The following DEFB107A variants were observed in gnomAD, a reference collection of about 807,000 sequenced individuals.
The protein encoded by DEFB107A is defensin beta 107A.
intron 1 of DEFB107A, among the ~76,000 whole-genome samples, chr8:7,812,936 C>CAT (rs1374443201): frequency 7.9e-6 from 1 of 126,546 alleles, no homozygotes; most frequent in African/African-American, 4.6e-5. Context: ...CACACACATA[C>CAT]ACACACACAC....
intron 1 of DEFB107A, among the ~76,000 whole-genome samples, chr8:7,812,950 C>CAT (rs1377922352): frequency 9.9e-5 from 15 of 151,070 alleles, no homozygotes; most frequent in African/African-American, 2.2e-4. Flanking sequence ...CACACACACA[C>CAT]ACATATATAT....
chr8:7,812,996 G>A (rs1347724255), intron 1 of DEFB107A, among the ~76,000 whole-genome samples: 16 of 151,362 alleles, frequency 1.1e-4, no homozygotes, highest in African/African-American at 3.9e-4. Flanking sequence ...TACTGAATCA[G>A]GGCAGAGAAC....
chr8:7,812,617 C>G (rs1013210025), intron 1 of DEFB107A, among the ~76,000 whole-genome samples: 2 of 133,982 alleles, frequency 1.5e-5, no homozygotes, highest in African/African-American at 5.1e-5. Context: ...AAGATACATT[C>G]TTAGGAAACA....
At chr8:7,812,576 TA>T (rs1240856176) in intron 1 of DEFB107A, among the ~76,000 whole-genome samples, 1 of 133,266 alleles carries the variant, frequency 7.5e-6, no homozygotes. Flanking sequence ...GAGGAAAAAA[TA>T]TGTCAAAACA....
rs754080110 is a variant in DEFB107A, at chr8:7,815,549, TC to T, written c.70+9del. The T allele has an allele frequency of 2.5e-5, 20 of 798,230 alleles. No homozygotes were observed. Among genetic ancestry groups the T allele is most frequent in the Non-Finnish European group, 3.8e-5 (19 of 497,868 alleles). 49.4% of individuals were successfully genotyped at this position (798,230 alleles called of 1,614,324 possible). A position where few individuals can be genotyped will look rare whatever the true frequency, so the allele number is the denominator to read the frequency against. On this transcript the variant is annotated intron_variant, in intron 1 of 1. Transcript: ENST00000335021. ...TGTCATCTCTACTTCTAGAAGAATT[TC>T]CCTCTTACCTTGGAAAATTTGAGCA...
chr8:7,813,020 G>C (rs1817123021), intron 1 of DEFB107A, among the ~76,000 whole-genome samples: 1 of 151,168 alleles, frequency 6.6e-6, no homozygotes, highest in Non-Finnish European at 1.5e-5. Context: ...AAAATAAGTA[G>C]AAGAACAAAT....
chr8:7,813,521 A>G (rs1400178589), intron 1 of DEFB107A, among the ~76,000 whole-genome samples: 3 of 151,856 alleles, frequency 2.0e-5, no homozygotes, highest in South Asian at 2.1e-4. Flanking sequence ...AAGATTCTTT[A>G]TTATAACAAG....
intron 1 of DEFB107A, among the ~76,000 whole-genome samples, chr8:7,813,239 A>C (rs1817129380): frequency 7.5e-6 from 1 of 133,890 alleles, no homozygotes; most frequent in African/African-American, 2.6e-5. Flanking sequence ...CACATGAACA[A>C]ATTTGGAAAA....
chr8:7,814,981 C>T (rs1222300045), intron 1 of DEFB107A, among the ~76,000 whole-genome samples: 54 of 43,098 alleles, frequency 1.3e-3, no homozygotes, highest in African/African-American at 4.6e-3. Context: ...GGCGCGGTGG[C>T]TCATGCCTGT....
At chr8:7,812,684 A>G in intron 1 of DEFB107A, among the ~76,000 whole-genome samples, 1 of 136,300 alleles carries the variant, frequency 7.3e-6, no homozygotes, top group Non-Finnish European at 1.6e-5. Flanking sequence ...CCTGGAAATA[A>G]CAACTTTGGG....
intron 1 of DEFB107A, among the ~76,000 whole-genome samples, chr8:7,813,069 T>A (rs954877873): frequency 6.8e-6 from 1 of 147,088 alleles, no homozygotes; most frequent in African/African-American, 2.5e-5. Context: ...ATAGAGTATG[T>A]GCCTGCCACT....
intron 1 of DEFB107A, among the ~76,000 whole-genome samples, chr8:7,813,858 A>C (rs1417671982): frequency 1.6e-4 from 24 of 150,618 alleles, no homozygotes; most frequent in African/African-American, 5.1e-4. Context: ...ACATCTATAG[A>C]CTGATCTGAA....
chr8:7,814,358 C>CTTTATATT (rs1256268663), intron 1 of DEFB107A, among the ~76,000 whole-genome samples: 17 of 84,380 alleles, frequency 2.0e-4, no homozygotes, highest in Middle Eastern at 6.7e-3. Context: ...AATGTCCATG[C>CTTTATATT]TTTATATTTT....
chr8:7,815,247 CAAAAAAAAAAA>C (rs1160791841), intron 1 of DEFB107A, among the ~76,000 whole-genome samples: 2 of 7,080 alleles, frequency 2.8e-4, no homozygotes, highest in Non-Finnish European at 5.7e-4. Flanking sequence ...GACTCCGTCT[CAAAAAAAAAAA>C]AAAAAAAAAA....
intron 1 of DEFB107A, among the ~76,000 whole-genome samples, chr8:7,813,235 A>G (rs1361398536): frequency 4.7e-4 from 62 of 133,236 alleles, no homozygotes; most frequent in African/African-American, 1.5e-3. Context: ...TGTCCACATG[A>G]ACAAATTTGG....
chr8:7,813,510 T>G (rs1817136871), intron 1 of DEFB107A, among the ~76,000 whole-genome samples: 1 of 151,684 alleles, frequency 6.6e-6, no homozygotes, highest in South Asian at 2.1e-4. Flanking sequence ...ATTCTATCAT[T>G]AAGATTCTTT....
At chr8:7,814,859 G>A (rs62641361) in intron 1 of DEFB107A, among the ~76,000 whole-genome samples, 615 of 60,530 alleles carry the variant, frequency 0.01, 6 homozygotes, top group African/African-American at 0.021. Flanking sequence ...AGACTACAAA[G>A]GCTGTACTTC....
chr8:7,812,934 T>TACACAC (rs5889217), intron 1 of DEFB107A, among the ~76,000 whole-genome samples: 9,711 of 137,638 alleles, frequency 0.071, 111 homozygotes, highest in South Asian at 0.12. Context: ...CGCACACACA[T>TACACAC]ACACACACAC....
rs866552737 is a variant in DEFB107A, at chr8:7,813,789, T to C, written c.70+1770A>G. ...CTAATTTGTGCCCAAACTATGCTTA[T>C]TATTGTAATTCAAATACATCTGAGA... On this transcript the variant is annotated intron_variant, in intron 1 of 1. Coordinates refer to ENST00000335021, the MANE Select transcript of DEFB107A (RefSeq NM_001037668.1). Among the ~76,000 whole-genome samples the C allele has an allele frequency of 3.1e-3, 464 of 151,178 alleles. 1 individual carries two copies. The highest frequency in any genetic ancestry group is 0.011 in the African/African-American group (444 of 40,630).
Sources: allele counts gnomAD v4.1 joint callset (sites outside exome capture counted in the v4.1 genomes callset), GRCh38; gene constraint gnomAD v4.1.1; transcripts MANE v1.5; gene names NCBI Gene and HGNC (gene_info 2026-07-23, HGNC 2026-07-21).